The following PRKCE variants were observed in gnomAD, a reference collection of about 807,000 sequenced individuals.
The protein encoded by PRKCE is protein kinase C epsilon, also known as protein kinase C epsilon type.
Under a neutral mutation model 85.4 loss-of-function variants are expected in PRKCE, and 16 were observed. That is an observed-to-expected ratio of 0.19 (90% confidence interval 0.13 to 0.28). The LOEUF (loss-of-function observed/expected upper bound fraction) is 0.28. Among genes scored for constraint, PRKCE ranks in the 10% least tolerant of loss-of-function variants. PRKCE has a pLI of 1.00. For missense variants in PRKCE, 573 were observed against 975.2 expected (o/e 0.59, Z 5.49); for synonymous variants, 388 against 371.5 (o/e 1.04, Z -0.51).
intron 14 of PRKCE, among the ~76,000 whole-genome samples, chr2:46,165,161 C>A (rs937439795): frequency 6.6e-6 from 1 of 152,164 alleles, no homozygotes; most frequent in African/African-American, 2.4e-5. Context: ...TTTGTACTAA[C>A]CCCCACCCAG....
intron 1 of PRKCE, among the ~76,000 whole-genome samples, chr2:45,783,714 A>G (rs1686371644): frequency 6.6e-6 from 1 of 152,204 alleles, no homozygotes; most frequent in African/African-American, 2.4e-5. Flanking sequence ...TCAGTATCCT[A>G]ACCTGTTCTC....
intron 2 of PRKCE, among the ~76,000 whole-genome samples, chr2:45,949,228 G>A (rs777615078): frequency 1.3e-5 from 2 of 152,110 alleles, no homozygotes; most frequent in Non-Finnish European, 2.9e-5. Context: ...CATCCCCACC[G>A]GCAGTATGCA....
chr2:45,652,551 G>T lies in PRKCE; in HGVS notation c.348+103G>T. On this transcript the variant is annotated intron_variant, in intron 1 of 14. Coordinates refer to ENST00000306156, the MANE Select transcript of PRKCE (RefSeq NM_005400.3). This position sits in a 1 kb window ranked among gnomAD's most constrained non-coding sequence, Gnocchi z 7.7. ...GGGCTCCGGGACTTATTGACGACTG[G>T]GGTGTGTGTGCCTGTAAGTCTCAGT... The T allele has an allele frequency of 1.8e-6, 2 of 1,107,308 alleles. No homozygotes were observed. The highest frequency in any genetic ancestry group is 1.3e-6 in the Non-Finnish European group (1 of 795,218). The allele number at this position is 1,107,308 out of a possible 1,614,324, so 68.6% of individuals were successfully genotyped here.
At chr2:46,029,052 G>T (rs1356333388) in intron 10 of PRKCE, among the ~76,000 whole-genome samples, 2 of 152,130 alleles carry the variant, frequency 1.3e-5, no homozygotes, top group Non-Finnish European at 1.5e-5. Flanking sequence ...TCTTTACCCA[G>T]TCTATCATTG....
intron 3 of PRKCE, 77 bp from the exon 4 acceptor site, chr2:45,978,899 A>G: frequency 7.3e-7 from 1 of 1,367,856 alleles, no homozygotes; most frequent in Non-Finnish European, 1.0e-6. Context: ...GGTGGCCCAA[A>G]TTGGGTGGTT....
chr2:45,739,175 G>A (rs1388515847), intron 1 of PRKCE, among the ~76,000 whole-genome samples: 3 of 152,230 alleles, frequency 2.0e-5, no homozygotes, highest in African/African-American at 4.8e-5. Context: ...AGAATGATAC[G>A]AGAGGGTATC....
chr2:45,760,674 AGACT>A, intron 1 of PRKCE, among the ~76,000 whole-genome samples: 1 of 152,320 alleles, frequency 6.6e-6, no homozygotes, highest in African/African-American at 2.4e-5. Context: ...CTTGAAGACG[AGACT>A]GAAGACAAAT....
chr2:45,908,344 A>C (rs1011823218), intron 2 of PRKCE, among the ~76,000 whole-genome samples: 2 of 152,244 alleles, frequency 1.3e-5, no homozygotes, highest in Non-Finnish European at 2.9e-5. Flanking sequence ...ATACACAGCC[A>C]GAAACGGACC....
chr2:46,174,602 C>T (rs1431802510), intron 14 of PRKCE, among the ~76,000 whole-genome samples: 3 of 152,128 alleles, frequency 2.0e-5, no homozygotes, highest in African/African-American at 7.2e-5. Flanking sequence ...TCCCGGTGCG[C>T]CCAGGCTCCC....
At chr2:45,914,398 G>GT (rs1697606330) in intron 2 of PRKCE, among the ~76,000 whole-genome samples, 1 of 152,214 alleles carries the variant, frequency 6.6e-6, no homozygotes, top group Admixed American at 6.5e-5. Context: ...TGGTCCAGAG[G>GT]GCTGGTGGCT....
Position 46,055,788 on chromosome 2 carries a change from T to C in PRKCE, c.1438-30420T>C, listed in dbSNP as rs558361749. On this transcript the variant is annotated intron_variant, in intron 10 of 14. Coordinates refer to ENST00000306156, the MANE Select transcript of PRKCE (RefSeq NM_005400.3). ...AGTGATGCTCCCACCTCAGCCTCCC[T>C]AGTAGCTGGGACCACAGGTGCACAC... Among the ~76,000 whole-genome samples, 292 of 152,142 alleles carry C rather than the reference T, an allele frequency of 1.9e-3. 1 individual carries two copies. The highest frequency in any genetic ancestry group is 2.2e-3 in the Non-Finnish European group (147 of 67,994).
chr2:45,670,697 C>G (rs931436109), intron 1 of PRKCE, among the ~76,000 whole-genome samples: 3 of 152,072 alleles, frequency 2.0e-5, no homozygotes, highest in Admixed American at 1.3e-4. Flanking sequence ...TTTTACTAAC[C>G]CAAACAATTC....
At chr2:46,162,986 G>T (rs1677929368) in intron 14 of PRKCE, among the ~76,000 whole-genome samples, 1 of 152,226 alleles carries the variant, frequency 6.6e-6, no homozygotes, top group Non-Finnish European at 1.5e-5. Flanking sequence ...AAAGCCCATG[G>T]CAGTGATGCA....
intron 10 of PRKCE, among the ~76,000 whole-genome samples, chr2:46,056,447 A>G (rs908424913): frequency 2.0e-5 from 3 of 152,156 alleles, no homozygotes; most frequent in African/African-American, 7.2e-5. Context: ...GGGGCTTTCC[A>G]ATAAGCTGTT....
chr2:45,838,099 T>C (rs1691039587), intron 1 of PRKCE, among the ~76,000 whole-genome samples: 1 of 152,134 alleles, frequency 6.6e-6, no homozygotes, highest in South Asian at 2.1e-4. Context: ...TGCCCAGACC[T>C]CCCCTCAGAG....
chr2:45,797,337 C>G (rs370667404), intron 1 of PRKCE, among the ~76,000 whole-genome samples: 21 of 152,304 alleles, frequency 1.4e-4, no homozygotes, highest in African/African-American at 2.9e-4. Flanking sequence ...TGTCCTTGTC[C>G]TTACTAGGGT....
chr2:45,841,304 C>T (rs1198837857), intron 1 of PRKCE, among the ~76,000 whole-genome samples: 2 of 152,130 alleles, frequency 1.3e-5, no homozygotes, highest in South Asian at 2.1e-4. Flanking sequence ...AGTCCGTGTC[C>T]GAAAACCTGA....
At chr2:45,939,696 A>G (rs1020384433) in intron 2 of PRKCE, among the ~76,000 whole-genome samples, 1 of 152,180 alleles carries the variant, frequency 6.6e-6, no homozygotes, top group African/African-American at 2.4e-5. Context: ...CTGGGACTAC[A>G]GGTGCGTGCC....
intron 1 of PRKCE, among the ~76,000 whole-genome samples, chr2:45,795,354 G>A (rs991456404): frequency 1.3e-5 from 2 of 152,128 alleles, no homozygotes; most frequent in Non-Finnish European, 2.9e-5. Context: ...TGTCACCCAG[G>A]CTGGAGTGCA....
Sources: allele counts gnomAD v4.1 joint callset (sites outside exome capture counted in the v4.1 genomes callset), GRCh38; gene constraint gnomAD v4.1.1; non-coding constraint Gnocchi (gnomAD v3.1); transcripts MANE v1.5; gene names NCBI Gene and HGNC (gene_info 2026-07-23, HGNC 2026-07-21).